Variants in NLGN1 observed in about 807,000 individuals in gnomAD.
NLGN1 encodes neuroligin 1.
NLGN1 carries 12 observed loss-of-function variants against 65.5 expected under a neutral mutation model. That is an observed-to-expected ratio of 0.18 (90% CI 0.12 to 0.30). The LOEUF (loss-of-function observed/expected upper bound fraction) is 0.30, where lower values mean the gene tolerates loss of function less well. Among genes scored for constraint, NLGN1 ranks in the 10% least tolerant of loss-of-function variants. The pLI is 1.00. For synonymous variants in NLGN1, 350 were observed against 359.5 expected (o/e 0.97, Z 0.30); for missense variants, 750 against 1,007.1 (o/e 0.74, Z 3.46).
At chr3:173,800,797 A>G (rs1715314708) in intron 3 of NLGN1, among the ~76,000 whole-genome samples, 1 of 151,932 alleles carries the variant, frequency 6.6e-6, no homozygotes, top group Non-Finnish European at 1.5e-5. Flanking sequence ...AAACACACAC[A>G]CCCAATAAAA....
intron 2 of NLGN1, among the ~76,000 whole-genome samples, chr3:173,547,971 G>A (rs1208420386): frequency 6.6e-6 from 1 of 151,954 alleles, no homozygotes; most frequent in Non-Finnish European, 1.5e-5. Flanking sequence ...ACTATCTCGG[G>A]AGTAGTGCTA....
chr3:173,816,242 T>C (rs191515450), intron 4 of NLGN1, among the ~76,000 whole-genome samples: 194 of 152,164 alleles, frequency 1.3e-3, no homozygotes, highest in African/African-American at 4.5e-3. Flanking sequence ...TGAAGACTTA[T>C]ATTCCAAAAT....
intron 4 of NLGN1, among the ~76,000 whole-genome samples, chr3:174,118,084 A>G (rs1374432605): frequency 6.6e-6 from 1 of 152,016 alleles, no homozygotes; most frequent in African/African-American, 2.4e-5. Flanking sequence ...GAAACCAGTC[A>G]TTTTTCTCTC....
At chr3:173,838,197 T>G (rs1480789443) in intron 4 of NLGN1, among the ~76,000 whole-genome samples, 1 of 140,514 alleles carries the variant, frequency 7.1e-6, no homozygotes, top group Non-Finnish European at 1.5e-5. Flanking sequence ...TGGTCAACTT[T>G]CTACACTGAC....
intron 4 of NLGN1, among the ~76,000 whole-genome samples, chr3:173,842,468 G>C (rs184903913): frequency 2.6e-4 from 40 of 152,252 alleles, no homozygotes; most frequent in Middle Eastern, 6.8e-3. Context: ...CTGCCTATGA[G>C]CCTGTAAAAT....
chr3:173,857,093 C>G (rs1372929681), intron 4 of NLGN1, among the ~76,000 whole-genome samples: 1 of 151,736 alleles, frequency 6.6e-6, no homozygotes, highest in Non-Finnish European at 1.5e-5. Flanking sequence ...ATTCAATACT[C>G]ACGCTTGAGC....
chr3:173,568,203 C>CTTTCCTTTCCT (rs1479601591), intron 2 of NLGN1, among the ~76,000 whole-genome samples: 2 of 106,104 alleles, frequency 1.9e-5, no homozygotes, highest in Admixed American at 2.5e-4. Flanking sequence ...CTTTTCTTTC[C>CTTTCCTTTCCT]TTTCCTTTCC....
At chr3:174,130,866 G>A (rs1315595120) in intron 4 of NLGN1, among the ~76,000 whole-genome samples, 1 of 152,060 alleles carries the variant, frequency 6.6e-6, no homozygotes, top group East Asian at 1.9e-4. Flanking sequence ...TTCAGTTAAT[G>A]GCAGAAACTA....
intron 4 of NLGN1, among the ~76,000 whole-genome samples, chr3:174,160,980 T>C (rs1228228820): frequency 6.6e-6 from 1 of 151,794 alleles, no homozygotes; most frequent in African/African-American, 2.4e-5. Flanking sequence ...ACTCTCTATC[T>C]CCATGTTTTC....
At chr3:174,153,486 T>C (rs556668031) in intron 4 of NLGN1, among the ~76,000 whole-genome samples, 9 of 152,270 alleles carry the variant, frequency 5.9e-5, no homozygotes, top group African/African-American at 2.2e-4. Flanking sequence ...CCAGAGGTCT[T>C]GAGCATTATC....
At chr3:173,718,262 T>C (rs1287468399) in intron 3 of NLGN1, among the ~76,000 whole-genome samples, 1 of 152,122 alleles carries the variant, frequency 6.6e-6, no homozygotes, top group African/African-American at 2.4e-5. Context: ...TCTCTAACTA[T>C]ATGTTTGTAC....
At chr3:173,472,223 T>C (rs1413687093) in intron 2 of NLGN1, among the ~76,000 whole-genome samples, 1 of 152,132 alleles carries the variant, frequency 6.6e-6, no homozygotes, top group East Asian at 1.9e-4. Context: ...CCCTGCCCAG[T>C]GGTAATATCT....
intron 3 of NLGN1, among the ~76,000 whole-genome samples, chr3:173,609,619 C>A (rs903456221): frequency 3.9e-5 from 6 of 151,954 alleles, no homozygotes; most frequent in African/African-American, 1.4e-4. Flanking sequence ...ACATTTCTCA[C>A]TCATTTACTT....
intron 4 of NLGN1, among the ~76,000 whole-genome samples, chr3:174,222,460 C>T (rs944674574): frequency 6.6e-6 from 1 of 152,106 alleles, no homozygotes; most frequent in Non-Finnish European, 1.5e-5. Flanking sequence ...TTTATCCCCA[C>T]CACAAATCAA....
intron 2 of NLGN1, among the ~76,000 whole-genome samples, chr3:173,539,966 G>T (rs555477136): frequency 6.6e-6 from 1 of 150,514 alleles, no homozygotes; most frequent in Non-Finnish European, 1.5e-5. Context: ...ATAGAGTGCT[G>T]TTGAGTAGGG....
chr3:173,619,948 G>C (rs2149498378), intron 3 of NLGN1, among the ~76,000 whole-genome samples: 1 of 152,248 alleles, frequency 6.6e-6, no homozygotes, highest in Non-Finnish European at 1.5e-5. Context: ...AGGGATGAGT[G>C]GGAGAGGGCT....
intron 3 of NLGN1, among the ~76,000 whole-genome samples, chr3:173,755,549 G>A (rs1418747146): frequency 1.3e-5 from 2 of 152,046 alleles, no homozygotes; most frequent in African/African-American, 4.8e-5. Context: ...TGCTGGGATG[G>A]GAAATACCAC....
chr3:173,411,044 C>G (rs1202912611), intron 1 of NLGN1, among the ~76,000 whole-genome samples: 2 of 152,212 alleles, frequency 1.3e-5, no homozygotes, highest in Non-Finnish European at 2.9e-5. Context: ...CATATGGTCA[C>G]TTGTTTTCTC....
At chr3:173,892,176 GTTT>G (rs1168847577) in intron 4 of NLGN1, among the ~76,000 whole-genome samples, 3 of 134,534 alleles carry the variant, frequency 2.2e-5, no homozygotes, top group Non-Finnish European at 3.2e-5. Context: ...TATATTTAAG[GTTT>G]TTTTTTTTTT....
Sources: gnomAD v4.1 joint callset for allele counts (sites outside exome capture counted in the v4.1 genomes callset) on GRCh38, gnomAD v4.1.1 for gene constraint, MANE v1.5 for transcripts, NCBI Gene and HGNC (gene_info 2026-07-23, HGNC 2026-07-21) for gene names.